Variants in BPIFA2 observed in about 807,000 individuals in gnomAD.
BPIFA2 encodes BPI fold containing family A member 2.
Under a neutral mutation model 25.7 loss-of-function variants are expected in BPIFA2, and 20 were observed. That is an observed-to-expected ratio of 0.78 (90% CI 0.55 to 1.13). The LOEUF is 1.13. Ranked by LOEUF, BPIFA2 falls within the 50% of genes most tolerant of loss-of-function variation. BPIFA2 has a pLI of 0.00. For synonymous variants in BPIFA2, 126 were observed against 124.3 expected (o/e 1.01, Z -0.09); for missense variants, 300 against 298.1 (o/e 1.01, Z -0.05).
At chr20:33,164,394 A>G (rs536347490), upstream of BPIFA2, among the ~76,000 whole-genome samples, 46 of 152,266 alleles carry the variant, frequency 3.0e-4, no homozygotes, top group African/African-American at 9.1e-4. Flanking sequence ...CAGAAAGTCA[A>G]TGCCCATGAG....
chr20:33,163,764 G>A (rs1226238752), upstream of BPIFA2, among the ~76,000 whole-genome samples: 1 of 151,734 alleles, frequency 6.6e-6, no homozygotes, highest in African/African-American at 2.4e-5. Flanking sequence ...GGAGGTTGCG[G>A]TGAGCCGAGA....
chr20:33,162,105 C>T (rs1196389087), intron 1 of BPIFA2, among the ~76,000 whole-genome samples: 2 of 152,190 alleles, frequency 1.3e-5, no homozygotes, highest in South Asian at 2.1e-4. Flanking sequence ...CTCAGCCTCC[C>T]GAGTAGCTGG....
chr20:33,177,713 G>A (rs1215445298), intron 5 of BPIFA2, among the ~76,000 whole-genome samples: 1 of 152,168 alleles, frequency 6.6e-6, no homozygotes, highest in Non-Finnish European at 1.5e-5. Flanking sequence ...TGAGGAGGTG[G>A]CAATTATACT....
At chr20:33,171,508 C>T (rs1014789420) in intron 2 of BPIFA2, among the ~76,000 whole-genome samples, 7 of 151,958 alleles carry the variant, frequency 4.6e-5, no homozygotes, top group African/African-American at 1.2e-4. Flanking sequence ...GTCTAATATC[C>T]GGAATCTACA....
chr20:33,181,007 T>A (rs778971332), intron 8 of BPIFA2, among the ~76,000 whole-genome samples: 1 of 152,164 alleles, frequency 6.6e-6, no homozygotes, highest in Non-Finnish European at 1.5e-5. Context: ...GTGAGGGGAA[T>A]GAAGATGAGT....
upstream of BPIFA2, among the ~76,000 whole-genome samples, chr20:33,163,712 C>T (rs973722118): frequency 5.3e-5 from 8 of 152,112 alleles, no homozygotes; most frequent in Non-Finnish European, 1.0e-4. Flanking sequence ...ATCCCAGCTA[C>T]TCGGGCGGCT....
intron 5 of BPIFA2, among the ~76,000 whole-genome samples, chr20:33,176,328 T>A (rs1008309624): frequency 2.0e-5 from 3 of 151,922 alleles, no homozygotes; most frequent in Non-Finnish European, 2.9e-5. Flanking sequence ...GGAGAAAGAG[T>A]GATGCTGGCC....
chr20:33,175,205 C>T (rs1051051145), intron 4 of BPIFA2, among the ~76,000 whole-genome samples: 1 of 152,116 alleles, frequency 6.6e-6, no homozygotes, highest in Admixed American at 6.6e-5. Flanking sequence ...TTCATATGAG[C>T]TAAACCCAAG....
At chr20:33,172,156 C>T (rs898155132) in intron 2 of BPIFA2, among the ~76,000 whole-genome samples, 1 of 151,624 alleles carries the variant, frequency 6.6e-6, no homozygotes, top group African/African-American at 2.4e-5. Context: ...CCAAACACTG[C>T]ATGTTCTCAT....
At chr20:33,178,879 G>A (rs1456570682) in intron 6 of BPIFA2, among the ~76,000 whole-genome samples, 4 of 152,154 alleles carry the variant, frequency 2.6e-5, no homozygotes, top group African/African-American at 9.7e-5. Context: ...CCACACCCCA[G>A]ACCTGCTGAA....
chr20:33,168,967 G>A (rs771255306), intron 1 of BPIFA2, among the ~76,000 whole-genome samples, 164 bp from the exon 2 acceptor site: 33 of 152,262 alleles, frequency 2.2e-4, no homozygotes, highest in Middle Eastern at 3.4e-3. Flanking sequence ...GTGTGTCTCC[G>A]GGCAAGTTGC....
chr20:33,178,521 T>A (rs973903453), intron 6 of BPIFA2, among the ~76,000 whole-genome samples: 3 of 152,230 alleles, frequency 2.0e-5, no homozygotes, highest in African/African-American at 7.2e-5. Flanking sequence ...TTAAATATGT[T>A]TCTTTAGAAG....
chr20:33,170,892 CTTGAG>C (rs1828555545), intron 2 of BPIFA2, among the ~76,000 whole-genome samples: 2 of 152,208 alleles, frequency 1.3e-5, no homozygotes, highest in East Asian at 1.9e-4. Flanking sequence ...TTTAAACCAT[CTTGAG>C]TTAAGTTTTT....
In BPIFA2 at chr20:33,174,096, C is replaced by A; in HGVS notation, c.320C>A (p.Ser107Tyr). 1.2e-6 allele frequency: 2 copies of A among 1,614,162 alleles called. No individual in the cohort carries two copies. The highest frequency in any genetic ancestry group is 1.7e-6 in the Non-Finnish European group (2 of 1,180,004). Reference protein sequence around the residue: ...TDIFGLKISNSLILDVKAEPI... With the variant: ...TDIFGLKISNYLILDVKAEPI... ...TCACACAGGTTGAAAATCAGCAACT[C>A]CCTCATCCTGGATGTCAAAGCTGAA... Residue 107 changes from serine to tyrosine, a missense_variant, in exon 4 of 9, where the codon TCC becomes TAC. Ser to Tyr is a moderately radical substitution (Grantham distance 144, BLOSUM62 -2). Transcript: ENST00000354932.
At chr20:33,171,968 G>A (rs1287634015) in intron 2 of BPIFA2, among the ~76,000 whole-genome samples, 1 of 152,130 alleles carries the variant, frequency 6.6e-6, no homozygotes, top group East Asian at 1.9e-4. Context: ...ATTTACAATA[G>A]CAAAGACATG....
chr20:33,176,942 C>T (rs1984098994), intron 5 of BPIFA2, among the ~76,000 whole-genome samples: 1 of 152,190 alleles, frequency 6.6e-6, no homozygotes, highest in African/African-American at 2.4e-5. Flanking sequence ...CCTTCAGGGC[C>T]TTCCCAGGGC....
At chr20:33,180,929 G>A (rs955968649) in intron 8 of BPIFA2, among the ~76,000 whole-genome samples, 1 of 152,046 alleles carries the variant, frequency 6.6e-6, no homozygotes, top group African/African-American at 2.4e-5. Context: ...TCACATATTG[G>A]GCCCTGAACC....
intron 2 of BPIFA2, among the ~76,000 whole-genome samples, chr20:33,169,826 A>T (rs532435946): frequency 6.6e-6 from 1 of 152,132 alleles, no homozygotes; most frequent in Admixed American, 6.6e-5. Flanking sequence ...GGGTTGTTTA[A>T]TATTCTTTTA....
upstream of BPIFA2, among the ~76,000 whole-genome samples, chr20:33,164,478 G>A (rs375971863): frequency 5.2e-4 from 79 of 152,152 alleles, no homozygotes; most frequent in African/African-American, 1.8e-3. Context: ...TGGGACTGGC[G>A]AGACGTGGCT....
Sources: allele counts gnomAD v4.1 joint callset (sites outside exome capture counted in the v4.1 genomes callset), GRCh38; gene constraint gnomAD v4.1.1; transcripts MANE v1.5; gene names NCBI Gene and HGNC (gene_info 2026-07-23, HGNC 2026-07-21).